The following LRRTM4 variants were observed in gnomAD, a reference collection of about 807,000 sequenced individuals.
LRRTM4 encodes leucine-rich repeat transmembrane neuronal protein 4.
In LRRTM4, 25 loss-of-function variants were observed where a neutral mutation model predicts 47.6. That is an observed-to-expected ratio of 0.53 (90% confidence interval 0.38 to 0.73). The LOEUF (loss-of-function observed/expected upper bound fraction) is 0.73, where lower values mean the gene tolerates loss of function less well. Ranked by LOEUF, LRRTM4 falls within the 30% of genes least tolerant of loss-of-function variation. The pLI, the probability that LRRTM4 is intolerant of heterozygous loss-of-function variation, is 0.00. For synonymous variants in LRRTM4, 311 were observed against 269.5 expected (o/e 1.15, Z -1.51); for missense variants, 638 against 713.4 (o/e 0.89, Z 1.20).
chr2:76,748,079 A>C lies in LRRTM4; in HGVS notation c.*616T>G, dbSNP rs560916497. On this transcript the variant is annotated 3_prime_UTR_variant, in exon 4 of 4. Transcript: ENST00000409884. Reference sequence around the variant, plus strand: ...GTAGTTTTGTCAAACTTTGTGGTCAACTTTCTCCGTGGTCCGTGGTAAAGC... The same window carrying C: ...GTAGTTTTGTCAAACTTTGTGGTCACCTTTCTCCGTGGTCCGTGGTAAAGC... 2.0e-5 allele frequency: 3 copies of C among 152,018 alleles called. No individual in the cohort carries two copies. The highest frequency in any genetic ancestry group is 2.9e-5 in the Non-Finnish European group (2 of 68,104). 9.4% of individuals were successfully genotyped at this position (152,018 alleles called of 1,614,324 possible). A position where few individuals can be genotyped will look rare whatever the true frequency, so the allele number is the denominator to read the frequency against.
intron 3 of LRRTM4, among the ~76,000 whole-genome samples, chr2:77,043,630 A>T (rs116625513): frequency 0.032 from 4,874 of 151,938 alleles, 104 homozygotes; most frequent in Non-Finnish European, 0.048. Flanking sequence ...TTCAAAAGGT[A>T]TAATATGGGA....
intron 3 of LRRTM4, among the ~76,000 whole-genome samples, chr2:76,941,232 C>G (rs1395032256): frequency 2.0e-5 from 3 of 152,144 alleles, no homozygotes; most frequent in Admixed American, 2.0e-4. Flanking sequence ...GCAGGATGCA[C>G]ACATATTATA....
chr2:77,197,358 A>ATAATCT (rs1317892572), intron 3 of LRRTM4, among the ~76,000 whole-genome samples: 1 of 152,084 alleles, frequency 6.6e-6, no homozygotes, highest in African/African-American at 2.4e-5. Flanking sequence ...AATTAGCCTT[A>ATAATCT]TAATCTACAC....
chr2:76,858,917 A>G (rs1025877438), intron 3 of LRRTM4, among the ~76,000 whole-genome samples: 5 of 152,174 alleles, frequency 3.3e-5, no homozygotes, highest in Non-Finnish European at 7.3e-5. Context: ...TGGTACATTC[A>G]TCAAGAAAAT....
chr2:76,971,228 C>G (rs964879493), intron 3 of LRRTM4, among the ~76,000 whole-genome samples: 1 of 151,932 alleles, frequency 6.6e-6, no homozygotes, highest in Non-Finnish European at 1.5e-5. Flanking sequence ...TGCATCAGCC[C>G]GTCTGTAGTT....
At chr2:77,091,668 C>T (rs1670646138) in intron 3 of LRRTM4, among the ~76,000 whole-genome samples, 1 of 149,404 alleles carries the variant, frequency 6.7e-6, no homozygotes, top group Admixed American at 6.7e-5. Context: ...CCCAGCCTCT[C>T]TTCGCTTTCA....
At chr2:77,174,491 A>G (rs1255631018) in intron 3 of LRRTM4, among the ~76,000 whole-genome samples, 1 of 152,070 alleles carries the variant, frequency 6.6e-6, no homozygotes, top group Non-Finnish European at 1.5e-5. Flanking sequence ...CTGTGTGGAG[A>G]AATGCCCTCA....
At chr2:76,958,639 T>G (rs189322789) in intron 3 of LRRTM4, among the ~76,000 whole-genome samples, 1 of 151,856 alleles carries the variant, frequency 6.6e-6, no homozygotes, top group Admixed American at 6.6e-5. Flanking sequence ...AACTCTTGAA[T>G]TTCACTCATG....
At chr2:77,317,715 G>C (rs906604902) in intron 3 of LRRTM4, among the ~76,000 whole-genome samples, 28 of 152,064 alleles carry the variant, frequency 1.8e-4, no homozygotes, top group African/African-American at 6.3e-4. Context: ...AATGGTAAGG[G>C]GCTGGAAGTT....
At chr2:77,244,161 A>G (rs1675358373) in intron 3 of LRRTM4, among the ~76,000 whole-genome samples, 1 of 132,142 alleles carries the variant, frequency 7.6e-6, no homozygotes, top group Non-Finnish European at 1.6e-5. Context: ...TTCTTAATCC[A>G]GTCTATCATT....
chr2:76,998,680 C>A (rs1004755984), intron 3 of LRRTM4, among the ~76,000 whole-genome samples: 2 of 151,582 alleles, frequency 1.3e-5, no homozygotes, highest in Non-Finnish European at 2.9e-5. Context: ...AGAAAAAAAA[C>A]CCAAAAAAAC....
At chr2:77,297,437 A>G (rs984377441) in intron 3 of LRRTM4, among the ~76,000 whole-genome samples, 2 of 152,280 alleles carry the variant, frequency 1.3e-5, no homozygotes, top group Non-Finnish European at 2.9e-5. Flanking sequence ...ACTGGTTCCA[A>G]TTTAGAAGCA....
chr2:77,256,075 A>C (rs79371047), intron 3 of LRRTM4, among the ~76,000 whole-genome samples: 3,017 of 152,152 alleles, frequency 0.02, 56 homozygotes, highest in Non-Finnish European at 0.023. Context: ...CACCAATGTC[A>C]TGAATAATAT....
intron 3 of LRRTM4, among the ~76,000 whole-genome samples, chr2:76,936,085 TG>T (rs1187505763): frequency 1.3e-5 from 2 of 152,196 alleles, no homozygotes; most frequent in Non-Finnish European, 2.9e-5. Context: ...AATCCCATAC[TG>T]GGTATATACC....
Position 76,947,749 on chromosome 2 carries a change from T to C in LRRTM4, c.1552-198833A>G, listed in dbSNP as rs143981833. ...GCTGTTCATTAGAAAGGAATAGCAGTATGGTTAATACAATACACCCACTAA... is the reference window on the plus strand; with the variant it reads ...GCTGTTCATTAGAAAGGAATAGCAGCATGGTTAATACAATACACCCACTAA... On this transcript the variant is annotated intron_variant, in intron 3 of 3. Coordinates refer to ENST00000409884, the MANE Select transcript of LRRTM4 (RefSeq NM_001134745.3). 2.2e-3 allele frequency among the ~76,000 whole-genome samples: 329 copies of C among 151,988 alleles called. 2 individuals are homozygous for C. Among genetic ancestry groups the C allele is most frequent in the African/African-American group, 7.7e-3 (321 of 41,522 alleles).
At position 77,065,366 on chromosome 2, in the gene LRRTM4, A is replaced by C. The variant is rs183698719; in HGVS notation, c.1552-316450T>G. Among the ~76,000 whole-genome samples, 3 of 152,310 alleles carry C rather than the reference A, an allele frequency of 2.0e-5. No homozygotes were observed. The East Asian group carries it at 5.8e-4, about 29-fold the overall frequency. On this transcript the variant is annotated intron_variant, in intron 3 of 3. Transcript: ENST00000409884. The stretch of plus-strand genomic sequence containing the variant: ...AGAGAACTCACATTATAATAATGGC[A>C]ATTAATTATGAAAATTATATTTAAA...
At chr2:77,206,171 A>G (rs926069359) in intron 3 of LRRTM4, among the ~76,000 whole-genome samples, 2 of 139,458 alleles carry the variant, frequency 1.4e-5, no homozygotes, top group African/African-American at 5.3e-5. Flanking sequence ...CTGTAATTTC[A>G]AAATTCTATT....
At chr2:77,381,459 A>G (rs1260368537) in intron 3 of LRRTM4, among the ~76,000 whole-genome samples, 1 of 152,106 alleles carries the variant, frequency 6.6e-6, no homozygotes, top group Non-Finnish European at 1.5e-5. Flanking sequence ...TTGCTTTAAC[A>G]CTAAAAGATT....
intron 3 of LRRTM4, among the ~76,000 whole-genome samples, chr2:77,115,707 T>C (rs1671373713): frequency 6.6e-6 from 1 of 152,160 alleles, no homozygotes; most frequent in Non-Finnish European, 1.5e-5. Context: ...TAGGACAAAG[T>C]ATATAGATTG....
Sources: gnomAD v4.1 joint callset for allele counts (sites outside exome capture counted in the v4.1 genomes callset) on GRCh38, gnomAD v4.1.1 for gene constraint, MANE v1.5 for transcripts, NCBI Gene and HGNC (gene_info 2026-07-23, HGNC 2026-07-21) for gene names.